Variants in CCDC85A observed in about 807,000 individuals in gnomAD.
The protein encoded by CCDC85A is coiled-coil domain-containing protein 85A.
CCDC85A carries 38 observed loss-of-function variants against 50.2 expected under a neutral mutation model. The ratio of observed to expected loss-of-function variants is 0.76; its 90% CI spans 0.58 to 0.99. CCDC85A has a LOEUF of 0.99. Among genes scored for constraint, CCDC85A ranks in the 50% least tolerant of loss-of-function variants. The probability of loss-of-function intolerance (pLI) is 0.00; values close to 1 mark genes in which losing one functional copy is unlikely to be tolerated. For missense variants in CCDC85A, 820 were observed against 742.0 expected, an observed-to-expected ratio of 1.11 and a Z score of -1.22; for synonymous variants, 366 against 301.4, an observed-to-expected ratio of 1.21 and a Z score of -2.22.
chr2:56,330,181 C>T (rs1022134079), intron 2 of CCDC85A, among the ~76,000 whole-genome samples: 1 of 151,862 alleles, frequency 6.6e-6, no homozygotes, highest in East Asian at 1.9e-4. Flanking sequence ...CACATTTTAA[C>T]CCTGAATAGC....
At chr2:56,233,226 T>C (rs1668850457) in intron 2 of CCDC85A, among the ~76,000 whole-genome samples, 1 of 152,136 alleles carries the variant, frequency 6.6e-6, no homozygotes, top group Non-Finnish European at 1.5e-5. Context: ...CTTTCCCGGA[T>C]AGGCAAGGAA....
At chr2:56,307,243 T>C (rs894678127) in intron 2 of CCDC85A, among the ~76,000 whole-genome samples, 3 of 152,182 alleles carry the variant, frequency 2.0e-5, no homozygotes, top group Non-Finnish European at 2.9e-5. Flanking sequence ...TATCTACTTT[T>C]AAGTATGCAA....
At chr2:56,251,451 T>C (rs1321808085) in intron 2 of CCDC85A, among the ~76,000 whole-genome samples, 1 of 152,240 alleles carries the variant, frequency 6.6e-6, no homozygotes, top group East Asian at 1.9e-4. Flanking sequence ...TGTTTAGTCT[T>C]GACACTTTCT....
At chr2:56,348,150 T>C (rs1282142034) in intron 3 of CCDC85A, among the ~76,000 whole-genome samples, 1 of 152,202 alleles carries the variant, frequency 6.6e-6, no homozygotes, top group Non-Finnish European at 1.5e-5. Context: ...CCTAAGTCAA[T>C]TAAATACATT....
At position 56,341,558 on chromosome 2, in the gene CCDC85A, C is replaced by A. The variant is rs74684201; in HGVS notation, c.1241-1321C>A. 8.8e-3 allele frequency among the ~76,000 whole-genome samples: 1,345 copies of A among 152,252 alleles called. 21 individuals are homozygous for A. Among genetic ancestry groups the A allele is most frequent in the Non-Finnish European group, 8.6e-3 (583 of 68,014 alleles). ...GAATGAATTGCTACTATGTGATGAT[C>A]TTGAATATTTTCACTTTAATGAAGA... On this transcript the variant is annotated intron_variant, in intron 2 of 5. Transcript: ENST00000407595.
At chr2:56,306,317 T>A (rs1672444006) in intron 2 of CCDC85A, among the ~76,000 whole-genome samples, 1 of 152,032 alleles carries the variant, frequency 6.6e-6, no homozygotes, top group Non-Finnish European at 1.5e-5. Flanking sequence ...TTTAAGAGAC[T>A]GGGTTTCACC....
intron 2 of CCDC85A, among the ~76,000 whole-genome samples, chr2:56,234,920 TTAG>T (rs1056870365): frequency 2.0e-5 from 3 of 152,238 alleles, no homozygotes; most frequent in Non-Finnish European, 4.4e-5. Context: ...AGATAGCTTC[TTAG>T]TAGATGTTCC....
In CCDC85A at chr2:56,384,431, G is replaced by A; in HGVS notation, c.*76G>A. 2.3e-6 allele frequency: 3 copies of A among 1,301,174 alleles called. No homozygotes were observed. The highest frequency in any genetic ancestry group is 2.4e-5 in the South Asian group (2 of 83,508). The allele number at this position is 1,301,174 out of a possible 1,614,324, so 80.6% of individuals were successfully genotyped here. Reference sequence around the variant, plus strand: ...GACAAGAAGAAAAAGGAAAGAGTGGGTTTCCACAAACCTGGACTCATGGAA... The same window carrying A: ...GACAAGAAGAAAAAGGAAAGAGTGGATTTCCACAAACCTGGACTCATGGAA... On this transcript the variant is annotated 3_prime_UTR_variant, in exon 6 of 6. Coordinates refer to ENST00000407595, the MANE Select transcript of CCDC85A (RefSeq NM_001080433.2).
At chr2:56,194,375 A>T (rs1210924919) in intron 2 of CCDC85A, among the ~76,000 whole-genome samples, 2 of 152,202 alleles carry the variant, frequency 1.3e-5, no homozygotes, top group Admixed American at 6.5e-5. Context: ...AAAAACAAAA[A>T]AACTCCACAA....
rs1212289409 is a variant in CCDC85A at position 56,385,997 on chromosome 2, T to G, written c.*1642T>G. 1 of 152,184 alleles carries G rather than the reference T, an allele frequency of 6.6e-6. No homozygotes were observed. Among genetic ancestry groups the G allele is most frequent in the Non-Finnish European group, 1.5e-5 (1 of 67,826 alleles). The allele number at this position is 152,184 out of a possible 1,614,324, so 9.4% of individuals were successfully genotyped here. A position where few individuals can be genotyped will look rare whatever the true frequency, so the allele number is the denominator to read the frequency against. ...CCCTCTGAAGACATTTAAAATAAGC[T>G]TTTGTGCCTGCAGCAGAGCCTGCAG... is the stretch of plus-strand genomic sequence containing the variant. On this transcript the variant is annotated 3_prime_UTR_variant, in exon 6 of 6. Transcript: ENST00000407595.
At chr2:56,352,520 A>T (rs1045376938) in intron 3 of CCDC85A, among the ~76,000 whole-genome samples, 3 of 151,970 alleles carry the variant, frequency 2.0e-5, no homozygotes, top group Non-Finnish European at 2.9e-5. Context: ...TAATTTTTGC[A>T]TTTTTAATAG....
chr2:56,347,036 A>G (rs9917186), intron 3 of CCDC85A, among the ~76,000 whole-genome samples: 64,883 of 152,108 alleles, frequency 0.43, 15,698 homozygotes, highest in African/African-American at 0.67. Context: ...ATGTAAGTAG[A>G]CATTTGTAAA....
At chr2:56,332,435 G>A (rs1005196808) in intron 2 of CCDC85A, among the ~76,000 whole-genome samples, 3 of 152,154 alleles carry the variant, frequency 2.0e-5, no homozygotes, top group African/African-American at 7.2e-5. Context: ...TGCCATGAAG[G>A]GGAAAGGGAT....
chr2:56,329,943 C>CTTTTTTTTTTT lies in CCDC85A; in HGVS notation c.1241-12935_1241-12934insTTTTTTTTTTT, dbSNP rs1336192523. Among the ~76,000 whole-genome samples, 63 of 22,876 alleles carry CTTTTTTTTTTT rather than the reference C, an allele frequency of 2.8e-3. 6 individuals carry two copies. The highest frequency in any genetic ancestry group is 4.4e-3 in the Non-Finnish European group (47 of 10,694). The allele number at this position is 22,876 out of a possible 152,430, so 15.0% of individuals were successfully genotyped here. ...TGAAAATTTGTTTTTTACAGATTTC[C>CTTTTTTTTTTT]TGTTTTTTTTTTTTTTTTTTTTTTT... is the stretch of plus-strand genomic sequence containing the variant. On this transcript the variant is annotated intron_variant, in intron 2 of 5. Coordinates refer to ENST00000407595, the MANE Select transcript of CCDC85A (RefSeq NM_001080433.2).
chr2:56,372,196 A>T, intron 3 of CCDC85A, 148 bp from the exon 4 acceptor site: 1 of 688,700 alleles, frequency 1.5e-6, no homozygotes, highest in Admixed American at 4.1e-5. Flanking sequence ...TTTTATTTTT[A>T]TTTTTTCCCT....
intron 2 of CCDC85A, among the ~76,000 whole-genome samples, chr2:56,278,862 C>T (rs773728357): frequency 8.5e-5 from 13 of 152,308 alleles, no homozygotes; most frequent in East Asian, 1.9e-4. Flanking sequence ...CATGAGCCTC[C>T]GCGCCAGACA....
At chr2:56,187,784 G>A (rs1676116115) in intron 1 of CCDC85A, among the ~76,000 whole-genome samples, 1 of 152,130 alleles carries the variant, frequency 6.6e-6, no homozygotes, top group South Asian at 2.1e-4. Flanking sequence ...TTCTAGTTAG[G>A]GTTATGTTGT....
In CCDC85A at chr2:56,211,851, T is replaced by C. The variant is rs574190809; in HGVS notation, c.1240+18411T>C. 3.9e-5 allele frequency among the ~76,000 whole-genome samples: 6 copies of C among 152,170 alleles called. No individual in the cohort carries two copies. In the South Asian group the frequency reaches 6.2e-4, roughly 16 times the overall value. The stretch of plus-strand genomic sequence containing the variant: ...TAGGGCATCTACCTTGATGTTCTCC[T>C]CATCTCTAATATCTCCCATATTCCA... On this transcript the variant is annotated intron_variant, in intron 2 of 5. Coordinates refer to ENST00000407595, the MANE Select transcript of CCDC85A (RefSeq NM_001080433.2).
At chr2:56,238,353 G>C (rs931997946) in intron 2 of CCDC85A, among the ~76,000 whole-genome samples, 1 of 151,342 alleles carries the variant, frequency 6.6e-6, no homozygotes, top group African/African-American at 2.4e-5. Context: ...GCAGGCAGAG[G>C]TTGCAGTGAT....
Sources: allele counts gnomAD v4.1 joint callset (sites outside exome capture counted in the v4.1 genomes callset), GRCh38; gene constraint gnomAD v4.1.1; transcripts MANE v1.5; gene names NCBI Gene and HGNC (gene_info 2026-07-23, HGNC 2026-07-21).